ZNF521: variants seen among roughly 807,000 people sequenced by gnomAD.
ZNF521 encodes LYST-interacting protein 3.
A neutral mutation model predicts 105.5 loss-of-function variants in ZNF521; 14 were observed. That is an observed-to-expected ratio of 0.13 (90% CI 0.09 to 0.21). The LOEUF (loss-of-function observed/expected upper bound fraction) is 0.21, where lower values mean the gene tolerates loss of function less well. ZNF521 is among the 10% of genes least tolerant of loss of function. ZNF521 has a pLI of 1.00. For synonymous variants in ZNF521, 635 were observed against 606.0 expected (o/e 1.05, Z -0.70); for missense variants, 1,233 against 1,629.7 (o/e 0.76, Z 4.19).
At chr18:25,283,502 A>G (rs190909719) in intron 3 of ZNF521, among the ~76,000 whole-genome samples, 1 of 152,244 alleles carries the variant, frequency 6.6e-6, no homozygotes, top group African/African-American at 2.4e-5. Context: ...TTGCTGTATC[A>G]GCAAGAACAT....
intron 3 of ZNF521, among the ~76,000 whole-genome samples, chr18:25,306,366 T>G (rs1326635837): frequency 6.6e-6 from 1 of 152,150 alleles, no homozygotes; most frequent in African/African-American, 2.4e-5. Context: ...AACAGTAAAA[T>G]TAAATTTGTC....
intron 6 of ZNF521, among the ~76,000 whole-genome samples, chr18:25,090,790 T>A (rs949826057): frequency 4.6e-5 from 7 of 152,234 alleles, no homozygotes; most frequent in Non-Finnish European, 8.8e-5. Context: ...TCCTCCTTTA[T>A]GAAGACTTAT....
rs370692059 is a variant in ZNF521, at chr18:25,227,311, T to G, written c.607A>C (p.Lys203Gln). ...AACCCACGGCGACAAATGGCACATT[T>G]ATATGGCTTGTTGGACGTGTGAGTC... ...LKTHTSNKPY[K>Q]CAICRRGFLS... The change falls in exon 4 of 8, where the codon AAA (lysine) becomes CAA (glutamine). Residue 203 changes from lysine (K) to glutamine (Q), a missense_variant. This residue lies in a region of ZNF521 where 380 missense variants were observed against 478.0 expected (regional missense o/e 0.80). Coordinates refer to ENST00000361524, the MANE Select transcript of ZNF521 (RefSeq NM_015461.3). The surrounding 1 kb of genome is among the most constrained non-coding windows in gnomAD (Gnocchi z 5.7). 38 of 1,614,126 alleles carry G rather than the reference T, an allele frequency of 2.4e-5. No homozygotes were observed. The South Asian group carries it at 4.1e-4, about 17-fold the overall frequency.
intron 4 of ZNF521, among the ~76,000 whole-genome samples, chr18:25,215,961 A>G (rs185270202): frequency 1.9e-4 from 29 of 152,316 alleles, no homozygotes; most frequent in Admixed American, 9.8e-4. Flanking sequence ...TTTGAAGAAC[A>G]CCTTGAACCT....
chr18:25,289,530 A>T (rs566932272), intron 3 of ZNF521, among the ~76,000 whole-genome samples: 1 of 152,336 alleles, frequency 6.6e-6, no homozygotes, highest in Non-Finnish European at 1.5e-5. Flanking sequence ...CGGGAAGCGC[A>T]TCATAAAACC....
chr18:25,247,941 G>C (rs1038756206), intron 3 of ZNF521, among the ~76,000 whole-genome samples: 2 of 151,894 alleles, frequency 1.3e-5, no homozygotes, highest in African/African-American at 4.8e-5. Flanking sequence ...ATGAGGGAAG[G>C]AGAAATGCCT....
At chr18:25,347,873 A>AT (rs754687203) in intron 2 of ZNF521, among the ~76,000 whole-genome samples, 1 of 152,214 alleles carries the variant, frequency 6.6e-6, no homozygotes, top group Non-Finnish European at 1.5e-5. Flanking sequence ...CATGTCAGCA[A>AT]TATCTTTTAC....
chr18:25,067,732 T>C (rs2144109560), intron 7 of ZNF521, among the ~76,000 whole-genome samples: 1 of 152,288 alleles, frequency 6.6e-6, no homozygotes, highest in East Asian at 1.9e-4. Context: ...GGAACCTATC[T>C]TCCTAGAGTT....
chr18:25,351,880 G>GGCGGCGGCA (rs1220806768), intron 1 of ZNF521, 125 bp downstream of exon 1: 2 of 271,468 alleles, frequency 7.4e-6, no homozygotes, highest in Non-Finnish European at 1.5e-5. Context: ...CCTCGGCAGC[G>GGCGGCGGCA]GCGGCGGCAG....
At chr18:25,097,371 T>C (rs2033874494) in intron 5 of ZNF521, among the ~76,000 whole-genome samples, 1 of 152,120 alleles carries the variant, frequency 6.6e-6, no homozygotes, top group African/African-American at 2.4e-5. Context: ...GGTAGATTAG[T>C]CATTAAGCCC....
At chr18:25,110,747 T>A (rs2034171717) in intron 5 of ZNF521, among the ~76,000 whole-genome samples, 1 of 151,892 alleles carries the variant, frequency 6.6e-6, no homozygotes, top group Non-Finnish European at 1.5e-5. Flanking sequence ...TATTTCTATC[T>A]AAAAAATAAC....
At chr18:25,264,599 A>G (rs1245742069) in intron 3 of ZNF521, among the ~76,000 whole-genome samples, 1 of 152,206 alleles carries the variant, frequency 6.6e-6, no homozygotes, top group Non-Finnish European at 1.5e-5. Flanking sequence ...CAAATTTTGA[A>G]GAATTACATT....
intron 2 of ZNF521, among the ~76,000 whole-genome samples, chr18:25,347,122 T>C (rs1317482179): frequency 6.6e-6 from 1 of 152,218 alleles, no homozygotes; most frequent in Admixed American, 6.5e-5. Context: ...ACCAATTTGA[T>C]GCAACTGATT....
chr18:25,313,553 T>C (rs1452736251), intron 3 of ZNF521, among the ~76,000 whole-genome samples: 3 of 152,200 alleles, frequency 2.0e-5, no homozygotes, highest in African/African-American at 7.2e-5. Flanking sequence ...TATGAACTTA[T>C]ACCCACCACT....
At chr18:25,221,044 C>T (rs1413089440) in intron 4 of ZNF521, among the ~76,000 whole-genome samples, 1 of 152,222 alleles carries the variant, frequency 6.6e-6, no homozygotes, top group Non-Finnish European at 1.5e-5. Flanking sequence ...AAATTTCTAT[C>T]ACACTCAACC....
chr18:25,216,333 C>G (rs1400717089), intron 4 of ZNF521, among the ~76,000 whole-genome samples: 1 of 152,034 alleles, frequency 6.6e-6, no homozygotes, highest in Non-Finnish European at 1.5e-5. Context: ...AACTTCAAAC[C>G]TTTTACTGTA....
At chr18:25,108,368 G>C (rs1297696749) in intron 5 of ZNF521, among the ~76,000 whole-genome samples, 1 of 151,846 alleles carries the variant, frequency 6.6e-6, no homozygotes, top group Non-Finnish European at 1.5e-5. Flanking sequence ...TTGTTTTTGG[G>C]GTTACACAAA....
In ZNF521 at chr18:25,089,538, G is replaced by A; in HGVS notation, c.3833C>T (p.Ala1278Val). Residue 1278 changes from alanine to valine, a missense_variant, in exon 7 of 8, where the codon GCC becomes GTC. Coordinates refer to ENST00000361524, the MANE Select transcript of ZNF521 (RefSeq NM_015461.3). ...ANKLQQHIFS[A>V]HGQEDKIYDC... ...ATAGATCTTGTCTTCTTGTCCATGG[G>A]CAGAGAAAATATGCTGCTGCAACTT... 6.2e-7 allele frequency: 1 copy of A among 1,614,118 alleles called. No homozygotes were observed. Among genetic ancestry groups the A allele is most frequent in the Non-Finnish European group, 8.5e-7 (1 of 1,180,000 alleles).
chr18:25,328,445 ACACG>A (rs1448969768), intron 2 of ZNF521, among the ~76,000 whole-genome samples: 2 of 142,806 alleles, frequency 1.4e-5, no homozygotes, highest in South Asian at 2.3e-4. Context: ...ACACACACAC[ACACG>A]CATTCACTTT....
Sources: allele counts gnomAD v4.1 joint callset (sites outside exome capture counted in the v4.1 genomes callset), GRCh38; gene constraint gnomAD v4.1.1; regional missense constraint gnomAD v4.1.1; non-coding constraint Gnocchi (gnomAD v3.1); transcripts MANE v1.5; gene names NCBI Gene and HGNC (gene_info 2026-07-23, HGNC 2026-07-21).